The following NODAL variants were observed in gnomAD, a reference collection of about 807,000 sequenced individuals.
NODAL encodes nodal homolog.
NODAL carries 12 observed loss-of-function variants against 34.0 expected under a neutral mutation model. The observed-to-expected ratio is 0.35, with a 90% CI of 0.23 to 0.57. The LOEUF is 0.57. Ranked by LOEUF, NODAL falls within the 20% of genes least tolerant of loss-of-function variation. The probability of loss-of-function intolerance (pLI) is 0.83; values close to 1 mark genes in which losing one functional copy is unlikely to be tolerated. For missense variants in NODAL, 390 were observed against 444.2 expected (o/e 0.88, Z 1.10); for synonymous variants, 162 against 186.4 (o/e 0.87, Z 1.07).
chr10:70,438,442 C>T (rs1172150985), intron 1 of NODAL, among the ~76,000 whole-genome samples: 1 of 152,214 alleles, frequency 6.6e-6, no homozygotes, highest in Non-Finnish European at 1.5e-5. Flanking sequence ...CTTCTCTGAG[C>T]CTCAGTTTCC....
chr10:70,438,407 GTTTGAC>G lies in NODAL; in HGVS notation c.194-2430_194-2425del, dbSNP rs200582303. ...GATGGCTCAAATTCTGTCACTTGCT[GTTTGAC>G]TTTGGTCAGGCTACTTTCCTTCTCT... On this transcript the variant is annotated intron_variant, in intron 1 of 2. Transcript: ENST00000287139. Among the ~76,000 whole-genome samples, 10 of 152,340 alleles carry G rather than the reference GTTTGAC, an allele frequency of 6.6e-5. No individual in the cohort carries two copies. In the East Asian group the frequency reaches 1.9e-3, roughly 29 times the overall value.
At chr10:70,440,359 C>T (rs1013233989) in intron 1 of NODAL, among the ~76,000 whole-genome samples, 1 of 152,196 alleles carries the variant, frequency 6.6e-6, no homozygotes, top group Non-Finnish European at 1.5e-5. Flanking sequence ...TTTCTCATTG[C>T]CCCGCCCCCG....
At chr10:70,439,636 G>C (rs533075432) in intron 1 of NODAL, among the ~76,000 whole-genome samples, 16 of 152,330 alleles carry the variant, frequency 1.1e-4, no homozygotes, top group African/African-American at 3.8e-4. Flanking sequence ...CTGCGGTGCA[G>C]CTTATTCTAA....
intron 1 of NODAL, among the ~76,000 whole-genome samples, chr10:70,437,994 A>G (rs1845378251): frequency 6.6e-6 from 1 of 152,094 alleles, no homozygotes; most frequent in Admixed American, 6.5e-5. Flanking sequence ...GTGAGTTTAA[A>G]AACACTTTAT....
chr10:70,445,849 C>T (rs117324919), upstream of NODAL, among the ~76,000 whole-genome samples: 586 of 152,290 alleles, frequency 3.8e-3, 3 homozygotes, highest in Non-Finnish European at 7.2e-3. Flanking sequence ...TCTCAAATAA[C>T]GTCTTGCCTT....
intron 1 of NODAL, among the ~76,000 whole-genome samples, chr10:70,437,214 G>A (rs1178033121): frequency 4.6e-5 from 7 of 152,134 alleles, no homozygotes; most frequent in Non-Finnish European, 1.0e-4. Flanking sequence ...AGGCCAAGGC[G>A]GGTGGATCAC....
intron 2 of NODAL, 31 bp from the exon 3 acceptor site, chr10:70,433,119 A>G (rs528710830): frequency 6.2e-7 from 1 of 1,612,786 alleles, no homozygotes; most frequent in Non-Finnish European, 8.5e-7. Flanking sequence ...GTGTCAATTC[A>G]CATCCTGATG....
Position 70,435,063 on chromosome 10 carries a change from A to C in NODAL, c.891+223T>G. 3 of 564,268 alleles carry C rather than the reference A, an allele frequency of 5.3e-6. No homozygotes were observed. In the South Asian group the frequency reaches 6.4e-5, roughly 12 times the overall value. The allele number at this position is 564,268 out of a possible 1,614,324, so 35.0% of individuals were successfully genotyped here. A position where few individuals can be genotyped will look rare whatever the true frequency, so the allele number is the denominator to read the frequency against. ...ACAAGGATAAAGTCCCAGGGAAACA[A>C]TGTGTTCAAGGCTACCCAGTGACGC... On this transcript the variant is annotated intron_variant, in intron 2 of 2. Transcript: ENST00000287139.
intron 1 of NODAL, among the ~76,000 whole-genome samples, chr10:70,438,308 A>AG (rs1177826876): frequency 6.6e-6 from 1 of 151,914 alleles, no homozygotes; most frequent in Non-Finnish European, 1.5e-5. Context: ...AAAAAGAAAA[A>AG]CTTTATCTCA....
chr10:70,445,847 A>G (rs1170655531), upstream of NODAL, among the ~76,000 whole-genome samples: 1 of 152,102 alleles, frequency 6.6e-6, no homozygotes. Context: ...ACTCTCAAAT[A>G]ACGTCTTGCC....
chr10:70,439,810 C>T (rs572475872), intron 1 of NODAL, among the ~76,000 whole-genome samples: 45 of 152,364 alleles, frequency 3.0e-4, no homozygotes, highest in Non-Finnish European at 6.0e-4. Context: ...GTCACAGTGG[C>T]TCACGCCTGT....
upstream of NODAL, among the ~76,000 whole-genome samples, chr10:70,444,643 C>T (rs529273544): frequency 2.0e-5 from 3 of 152,294 alleles, 1 homozygote; most frequent in African/African-American, 7.2e-5. Context: ...TGATTCTGAT[C>T]AGCCAACTTT....
intron 1 of NODAL, among the ~76,000 whole-genome samples, chr10:70,439,943 G>T (rs575787621): frequency 6.6e-6 from 1 of 152,200 alleles, no homozygotes; most frequent in Non-Finnish European, 1.5e-5. Context: ...GCAGTGGCGC[G>T]CGCCTGTAGT....
intron 2 of NODAL, among the ~76,000 whole-genome samples, chr10:70,434,261 CCAT>C (rs1845312655): frequency 6.6e-6 from 1 of 152,186 alleles, no homozygotes; most frequent in African/African-American, 2.4e-5. Context: ...TCTGTTCTCT[CCAT>C]CTTCTTCTCT....
At position 70,432,100 on chromosome 10, in the gene NODAL, C is replaced by G. The variant is rs886047098; in HGVS notation, c.*836G>C. On this transcript the variant is annotated 3_prime_UTR_variant, in exon 3 of 3. Transcript: ENST00000287139. ...ACCATAGAGCAAGTATCTTGCCACC[C>G]AGGGCAAGGCCTTCACCACTGCTGG... Among the ~76,000 whole-genome samples the G allele has an allele frequency of 7.9e-5, 12 of 152,260 alleles. No individual in the cohort carries two copies. Among genetic ancestry groups the G allele is most frequent in the Non-Finnish European group, 1.3e-4 (9 of 68,048 alleles).
At position 70,441,545 on chromosome 10, in the gene NODAL, C is replaced by T; in HGVS notation, c.123G>A (p.Leu41=). Residue 41 remains leucine (L), a synonymous_variant, in exon 1 of 3, where the codon CTG becomes CTA. Coordinates refer to ENST00000287139, the MANE Select transcript of NODAL (RefSeq NM_018055.5). ...TRGQPSSPSP[L]AYMLSLYRDP... is the part of the protein sequence containing the mutation. The stretch of plus-strand genomic sequence containing the variant: ...CGCGGTAGAGGCTCAGCATGTACGC[C>T]AGAGGGGATGGCGACGAGGGCTGCC... 1.3e-6 allele frequency: 2 copies of T among 1,592,488 alleles called. No individual in the cohort carries two copies. Among genetic ancestry groups the T allele is most frequent in the Non-Finnish European group, 1.7e-6 (2 of 1,171,002 alleles).
intron 1 of NODAL, among the ~76,000 whole-genome samples, chr10:70,439,970 G>A (rs1845408149): frequency 6.6e-6 from 1 of 152,246 alleles, no homozygotes. Flanking sequence ...TACTCGGGAG[G>A]CTGAGGCAGG....
intron 1 of NODAL, 143 bp from the exon 2 acceptor site, chr10:70,436,126 T>TGG: frequency 2.7e-6 from 2 of 742,808 alleles, no homozygotes; most frequent in Non-Finnish European, 4.7e-6. Context: ...CTCTATGAGT[T>TGG]GGTAAGATTT....
At chr10:70,441,726 G>C (rs1306330471), upstream of NODAL, 23 of 1,508,930 alleles carry the variant, frequency 1.5e-5, no homozygotes, top group Non-Finnish European at 1.9e-5. Context: ...GGCCTCAGCA[G>C]CCGCCCCGCC....
Sources: gnomAD v4.1 joint callset for allele counts (sites outside exome capture counted in the v4.1 genomes callset) on GRCh38, gnomAD v4.1.1 for gene constraint, MANE v1.5 for transcripts, NCBI Gene and HGNC (gene_info 2026-07-23, HGNC 2026-07-21) for gene names.